RBMX2: variants seen among roughly 807,000 people sequenced by gnomAD.
RBMX2 encodes RNA-binding motif protein, X-linked 2.
For missense variants in RBMX2, 191 were observed against 256.0 expected (o/e 0.75, Z 1.73); for synonymous variants, 77 against 94.3 (o/e 0.82, Z 1.07).
In RBMX2 at chrX:130,403,956, A is replaced by C. The variant is rs1054207674; in HGVS notation, c.173+103A>C. 3 of 814,884 alleles carry C rather than the reference A, an allele frequency of 3.7e-6. No homozygotes were observed. In the Admixed American group the frequency reaches 6.7e-5, roughly 18 times the overall value. The allele number at this position is 814,884 out of a possible 1,213,427, so 67.2% of individuals were successfully genotyped here. ...AACCACTTATTTTCACTCTAGGCTG[A>C]ATGGCATCCCTGCATGGGGAGGGCT... On this transcript the variant is annotated intron_variant, in intron 3 of 5. Transcript: ENST00000305536.
intron 4 of RBMX2, 179 bp from the exon 5 acceptor site, chrX:130,411,169 A>C (rs922181430): frequency 1.4e-4 from 49 of 358,719 alleles, no homozygotes; most frequent in African/African-American, 1.3e-3. Context: ...AGCTGAATGT[A>C]TTAATATTTA....
rs182617274 is a variant in RBMX2 at position 130,403,134 on chromosome X, C to G, written c.122-668C>G. On this transcript the variant is annotated intron_variant, in intron 2 of 5. Coordinates refer to ENST00000305536, the MANE Select transcript of RBMX2 (RefSeq NM_016024.4). The stretch of plus-strand genomic sequence containing the variant: ...TGACATATGTAGACTGATTTTGTAT[C>G]ATAGCTGTAAATTTGTGGGTAATGA... 7.2e-5 allele frequency among the ~76,000 whole-genome samples: 8 copies of G among 111,855 alleles called. No individual in the cohort carries two copies. In the East Asian group the frequency reaches 2.2e-3, roughly 31 times the overall value.
At position 130,402,002 on chromosome X, in the gene RBMX2, A is replaced by T; in HGVS notation, c.-31A>T. 8.4e-7 allele frequency: 1 copy of T among 1,185,847 alleles called. No homozygotes were observed. Among genetic ancestry groups the T allele is most frequent in the East Asian group, 3.0e-5 (1 of 32,893 alleles). ...GCTGCGCTGCCTTTCCCGGGCGCTG[A>T]TTCCTGAGTGCTGAGCGCGAACCCG... On this transcript the variant is annotated 5_prime_UTR_variant, in exon 1 of 6. Coordinates refer to ENST00000305536, the MANE Select transcript of RBMX2 (RefSeq NM_016024.4).
At chrX:130,403,066 A>G (rs2034464574) in intron 2 of RBMX2, among the ~76,000 whole-genome samples, 1 of 112,786 alleles carries the variant, frequency 8.9e-6, no homozygotes, top group Non-Finnish European at 1.9e-5. Context: ...AATGCTTAAC[A>G]GTGTCTTTAT....
intron 3 of RBMX2, among the ~76,000 whole-genome samples, chrX:130,405,523 A>G (rs1235828885): frequency 2.7e-5 from 3 of 111,432 alleles, no homozygotes; most frequent in Non-Finnish European, 5.7e-5. Context: ...ATGTTTTGGC[A>G]TATCTCTTTA....
intron 3 of RBMX2, 42 bp downstream of exon 3, chrX:130,403,895 A>T: frequency 1.7e-6 from 2 of 1,156,834 alleles, no homozygotes. Context: ...TCGACAGAGT[A>T]CTTTGTTTCT....
intron 3 of RBMX2, 80 bp downstream of exon 3, chrX:130,403,933 C>G: frequency 9.9e-7 from 1 of 1,010,417 alleles, no homozygotes; most frequent in Non-Finnish European, 1.4e-6. Context: ...ATCACAAAAA[C>G]CACTTATTTT....
At chrX:130,409,168 C>A in intron 3 of RBMX2, 89 bp from the exon 4 acceptor site, 1 of 831,771 alleles carries the variant, frequency 1.2e-6, no homozygotes, top group Non-Finnish European at 1.7e-6. Context: ...CTTGTATACA[C>A]TATATTATTT....
At chrX:130,402,225 A>ACCCACCCCCC in intron 1 of RBMX2, 30 bp from the exon 2 acceptor site, 1 of 984,795 alleles carries the variant, frequency 1.0e-6, no homozygotes, top group African/African-American at 2.0e-5. Flanking sequence ...TTTTCTGCCT[A>ACCCACCCCCC]CCCTCCCCAC....
At chrX:130,402,224 T>TTG in intron 1 of RBMX2, 31 bp from the exon 2 acceptor site, 43 of 1,174,272 alleles carry the variant, frequency 3.7e-5, no homozygotes, top group African/African-American at 5.4e-5. Flanking sequence ...CTTTTCTGCC[T>TTG]ACCCTCCCCA....
In RBMX2 at chrX:130,406,134, TG is replaced by T. The variant is rs1569460016; in HGVS notation, c.173+2282del. 5.5e-5 allele frequency among the ~76,000 whole-genome samples: 4 copies of T among 72,759 alleles called. 1 individual carries two copies. The highest frequency in any genetic ancestry group is 3.7e-4 in the African/African-American group (4 of 10,683). The allele number at this position is 72,759 out of a possible 115,157, so 63.2% of individuals were successfully genotyped here. A position where few individuals can be genotyped will look rare whatever the true frequency, so the allele number is the denominator to read the frequency against. ...CCTCCCAAAGTGCTGGGATTACAGGTGTGAGCCACCGCGCCCGGCCTGCTTT... is the reference window on the plus strand; with the variant it reads ...CCTCCCAAAGTGCTGGGATTACAGGTTGAGCCACCGCGCCCGGCCTGCTTT... On this transcript the variant is annotated intron_variant, in intron 3 of 5. Coordinates refer to ENST00000305536, the MANE Select transcript of RBMX2 (RefSeq NM_016024.4).
At chrX:130,405,398 G>GA (rs955780685) in intron 3 of RBMX2, among the ~76,000 whole-genome samples, 26 of 106,487 alleles carry the variant, frequency 2.4e-4, no homozygotes, top group East Asian at 2.1e-3. Flanking sequence ...AAAGAAAAAA[G>GA]AAAAAAAAAC....
Position 130,413,523 on chromosome X carries a change from C to T in RBMX2, c.*675C>T, listed in dbSNP as rs1603272152. On this transcript the variant is annotated 3_prime_UTR_variant, in exon 6 of 6. Transcript: ENST00000305536. The stretch of plus-strand genomic sequence containing the variant: ...AGTTCCAAAACATTTTTTATCATCC[C>T]AAAATGAAACCCTGTAGCCATTAAA... Among the ~76,000 whole-genome samples the T allele has an allele frequency of 9.1e-6, 1 of 109,661 alleles. No homozygotes were observed. Among genetic ancestry groups the T allele is most frequent in the East Asian group, 2.8e-4 (1 of 3,513 alleles).
chrX:130,402,224 T>TG, intron 1 of RBMX2, 31 bp from the exon 2 acceptor site: 8 of 1,174,284 alleles, frequency 6.8e-6, no homozygotes, highest in Non-Finnish European at 8.0e-6. Context: ...CTTTTCTGCC[T>TG]ACCCTCCCCA....
chrX:130,403,696 G>A (rs1243668130), intron 2 of RBMX2, 106 bp from the exon 3 acceptor site: 3 of 721,349 alleles, frequency 4.2e-6, no homozygotes, highest in Non-Finnish European at 6.6e-6. Flanking sequence ...TTTAAGGGCA[G>A]GGCCTGTTGC....
chrX:130,402,311 G>A lies in RBMX2; in HGVS notation c.62G>A (p.Gly21Glu), dbSNP rs777501446. ...CTGAATGAACGAGAGGTCCAGCTTGGGGTGGCCGATAAGGTGTCCTGGCAC... is the reference window on the plus strand; with the variant it reads ...CTGAATGAACGAGAGGTCCAGCTTGAGGTGGCCGATAAGGTGTCCTGGCAC... ...NELNEREVQL[G>E]VADKVSWHSE... is the part of the protein sequence containing the mutation. Residue 21 changes from glycine (G) to glutamate (E), a missense_variant, in exon 2 of 6, where the codon GGG (glycine) becomes GAG (glutamate). Transcript: ENST00000305536. 18 of 1,204,667 alleles carry A rather than the reference G, an allele frequency of 1.5e-5. No homozygotes were observed. The highest frequency in any genetic ancestry group is 1.4e-4 in the African/African-American group (8 of 55,411).
intron 4 of RBMX2, among the ~76,000 whole-genome samples, chrX:130,409,743 T>G (rs2034503216): frequency 8.9e-6 from 1 of 111,768 alleles, no homozygotes; most frequent in African/African-American, 3.3e-5. Flanking sequence ...TCCATATTGT[T>G]GTGTGTTGGG....
chrX:130,406,896 T>C (rs56113207), intron 3 of RBMX2, among the ~76,000 whole-genome samples: 15,131 of 110,572 alleles, frequency 0.14, 894 homozygotes, highest in African/African-American at 0.21. Context: ...ATTGAACCAT[T>C]AGAAATTAAA....
At position 130,412,715 on chromosome X, in the gene RBMX2, G is replaced by T. The variant is rs2034520786; in HGVS notation, c.836G>T (p.Trp279Leu). 8.3e-7 allele frequency: 1 copy of T among 1,208,275 alleles called. No individual in the cohort carries two copies. ...RGRSSDAHSS[W>L]YNGRSEGRSY... ...CGGAGCTCAGATGCACATTCTAGCT[G>T]GTATAATGGGCGTTCTGAAGGGCGT... Residue 279 changes from tryptophan (W) to leucine (L), a missense_variant, in exon 6 of 6, where the codon TGG (tryptophan) becomes TTG (leucine). Transcript: ENST00000305536.
Sources: gnomAD v4.1 joint callset for allele counts (sites outside exome capture counted in the v4.1 genomes callset) on GRCh38, gnomAD v4.1.1 for gene constraint, MANE v1.5 for transcripts, NCBI Gene and HGNC (gene_info 2026-07-23, HGNC 2026-07-21) for gene names.